The following GNAL variants were observed in gnomAD, a reference collection of about 807,000 sequenced individuals.
GNAL encodes G protein subunit alpha L.
A neutral mutation model predicts 55.1 loss-of-function variants in GNAL; 18 were observed. The observed-to-expected ratio is 0.33, with a 90% CI of 0.23 to 0.48. The LOEUF (loss-of-function observed/expected upper bound fraction) is 0.48. Among genes scored for constraint, GNAL ranks in the 20% least tolerant of loss-of-function variants. The probability of loss-of-function intolerance (pLI) is 0.99; values close to 1 mark genes in which losing one functional copy is unlikely to be tolerated. For missense variants in GNAL, 412 were observed against 614.1 expected (o/e 0.67, Z 3.48); for synonymous variants, 253 against 237.0 (o/e 1.07, Z -0.62).
chr18:11,879,834 A>AG (rs1209226937), intron 11 of GNAL, among the ~76,000 whole-genome samples: 1 of 152,232 alleles, frequency 6.6e-6, no homozygotes, highest in Non-Finnish European at 1.5e-5. Flanking sequence ...TTCTCCCAGA[A>AG]GGCAGCAAAC....
intron 1 of GNAL, among the ~76,000 whole-genome samples, chr18:11,707,718 C>T (rs2031745883): frequency 6.6e-6 from 1 of 152,214 alleles, no homozygotes; most frequent in South Asian, 2.1e-4. Context: ...GTGGCATTTT[C>T]TTCCCACAGA....
chr18:11,800,680 G>T (rs2034500280), intron 4 of GNAL, among the ~76,000 whole-genome samples: 1 of 152,216 alleles, frequency 6.6e-6, no homozygotes, highest in Non-Finnish European at 1.5e-5. Flanking sequence ...CAGAAATCAG[G>T]AAGGGGCCAG....
chr18:11,707,386 G>A (rs188479395), intron 1 of GNAL, among the ~76,000 whole-genome samples: 3 of 152,282 alleles, frequency 2.0e-5, no homozygotes, highest in South Asian at 2.1e-4. Flanking sequence ...TTGGGTTACC[G>A]GGTGCACAGT....
intron 9 of GNAL, among the ~76,000 whole-genome samples, chr18:11,871,891 T>C (rs2036406328): frequency 6.6e-6 from 1 of 152,226 alleles, no homozygotes; most frequent in Non-Finnish European, 1.5e-5. Context: ...GGACCAAAAG[T>C]GTTTAAGATT....
chr18:11,767,031 C>T (rs568593318), intron 4 of GNAL, among the ~76,000 whole-genome samples: 1 of 152,278 alleles, frequency 6.6e-6, no homozygotes, highest in Non-Finnish European at 1.5e-5. Context: ...TTCCTTTTGG[C>T]TTTAAGACAT....
At chr18:11,766,222 G>GT (rs769486869) in intron 4 of GNAL, among the ~76,000 whole-genome samples, 73 of 152,266 alleles carry the variant, frequency 4.8e-4, no homozygotes, top group Admixed American at 1.2e-3. Context: ...TTATTTTTTA[G>GT]TTTTGCATGA....
At chr18:11,704,063 A>G (rs564383532) in intron 1 of GNAL, among the ~76,000 whole-genome samples, 2 of 152,198 alleles carry the variant, frequency 1.3e-5, no homozygotes, top group African/African-American at 4.8e-5. Flanking sequence ...AACACAGAGG[A>G]TGGATTTCTA....
At chr18:11,861,274 C>T (rs2036130135) in intron 5 of GNAL, among the ~76,000 whole-genome samples, 1 of 152,032 alleles carries the variant, frequency 6.6e-6, no homozygotes, top group Non-Finnish European at 1.5e-5. Flanking sequence ...CTCCTTCTTC[C>T]TTCTAGGGTC....
intron 1 of GNAL, among the ~76,000 whole-genome samples, chr18:11,706,188 A>T (rs539970974): frequency 6.6e-6 from 1 of 151,842 alleles, no homozygotes; most frequent in African/African-American, 2.4e-5. Flanking sequence ...TATCTCAGAG[A>T]TATTGCAGGT....
chr18:11,697,531 A>C lies in GNAL; in HGVS notation c.376+7592A>C, dbSNP rs112293855. Among the ~76,000 whole-genome samples, 776 of 151,680 alleles carry C rather than the reference A, an allele frequency of 5.1e-3. 7 individuals carry two copies. The highest frequency in any genetic ancestry group is 0.018 in the African/African-American group (726 of 41,338). ...TGAGATCGTGCCATTGCACTCCAGC[A>C]TGGGGGAGAGAGCAAGACTCAGTCT... On this transcript the variant is annotated intron_variant, in intron 1 of 11. Transcript: ENST00000334049.
chr18:11,755,468 G>C (rs2033020925), intron 4 of GNAL, among the ~76,000 whole-genome samples: 1 of 152,060 alleles, frequency 6.6e-6, no homozygotes, highest in Non-Finnish European at 1.5e-5. Flanking sequence ...GTAGAGATGG[G>C]GTTTCACCGT....
At chr18:11,855,829 G>A (rs541940417) in intron 5 of GNAL, among the ~76,000 whole-genome samples, 2 of 151,806 alleles carry the variant, frequency 1.3e-5, no homozygotes, top group Non-Finnish European at 2.9e-5. Flanking sequence ...AAAATTAGCC[G>A]GGCATGGTGG....
intron 4 of GNAL, among the ~76,000 whole-genome samples, chr18:11,822,073 C>T (rs894577606): frequency 6.6e-6 from 1 of 152,200 alleles, no homozygotes; most frequent in South Asian, 2.1e-4. Flanking sequence ...TGCAGAGCGG[C>T]GGATGCGTGT....
At chr18:11,720,168 C>G (rs896505214) in intron 1 of GNAL, among the ~76,000 whole-genome samples, 1 of 152,276 alleles carries the variant, frequency 6.6e-6, no homozygotes, top group African/African-American at 2.4e-5. Context: ...CAAGAGTTAG[C>G]AGACTGTTTC....
chr18:11,755,390 C>G lies in GNAL; in HGVS notation c.624+1445C>G, dbSNP rs555669876. 3.3e-5 allele frequency among the ~76,000 whole-genome samples: 5 copies of G among 152,298 alleles called. No individual in the cohort carries two copies. In the East Asian group the frequency reaches 9.6e-4, roughly 29 times the overall value. The stretch of plus-strand genomic sequence containing the variant: ...CCGGGTTCACGCCATTCTCCTGCCT[C>G]AGCCTCCCTAGTAGCTGGGACTACA... On this transcript the variant is annotated intron_variant, in intron 4 of 11. Transcript: ENST00000334049.
rs188081731 is a variant in GNAL at position 11,829,156 on chromosome 18, G to C, written c.722+4141G>C. ...GCCTCAGGCCAAGACTCCCTTCTAG[G>C]CTTGTCAGGAATAAAACACCTTTAG... On this transcript the variant is annotated intron_variant, in intron 5 of 11. Coordinates refer to ENST00000334049, the MANE Select transcript of GNAL (RefSeq NM_182978.4). Among the ~76,000 whole-genome samples the C allele has an allele frequency of 4.8e-3, 735 of 152,344 alleles. 2 individuals are homozygous for C. The highest frequency in any genetic ancestry group is 0.014 in the African/African-American group (588 of 41,570).
intron 5 of GNAL, among the ~76,000 whole-genome samples, chr18:11,838,141 G>A (rs72868655): frequency 0.13 from 19,532 of 152,072 alleles, 1,657 homozygotes; most frequent in East Asian, 0.38. Flanking sequence ...AAAAAAAAGC[G>A]TTAACGACCC....
rs1567919352 is a variant in GNAL, at chr18:11,884,745, C to T, written c.*3610C>T. 6 of 1,313,616 alleles carry T rather than the reference C, an allele frequency of 4.6e-6. No homozygotes were observed. Among genetic ancestry groups the T allele is most frequent in the East Asian group, 2.5e-5 (1 of 40,584 alleles). The allele number at this position is 1,313,616 out of a possible 1,614,324, so 81.4% of individuals were successfully genotyped here. A position where few individuals can be genotyped will look rare whatever the true frequency, so the allele number is the denominator to read the frequency against. On this transcript the variant is annotated 3_prime_UTR_variant, in exon 12 of 12. Coordinates refer to ENST00000334049, the MANE Select transcript of GNAL (RefSeq NM_182978.4). ...GGTCCCCCTCAGGTGAGGCAGGGAA[C>T]GGGCCCTCCTCACCTGAGACCAAGG...
intron 1 of GNAL, among the ~76,000 whole-genome samples, chr18:11,743,220 G>T (rs1168695419): frequency 6.6e-6 from 1 of 151,972 alleles, no homozygotes; most frequent in Non-Finnish European, 1.5e-5. Context: ...ATGAGGTGTT[G>T]GCGCTAGGAT....
Sources: allele counts gnomAD v4.1 joint callset (sites outside exome capture counted in the v4.1 genomes callset), GRCh38; gene constraint gnomAD v4.1.1; transcripts MANE v1.5; gene names NCBI Gene and HGNC (gene_info 2026-07-23, HGNC 2026-07-21).